GRB14: variants seen among roughly 807,000 people sequenced by gnomAD.
The protein encoded by GRB14 is growth factor receptor-bound protein 14.
Under a neutral mutation model 69.1 loss-of-function variants are expected in GRB14, and 38 were observed. That is an observed-to-expected ratio of 0.55 (90% CI 0.42 to 0.72). The LOEUF is 0.72. GRB14 is among the 30% of genes least tolerant of loss of function. The probability of loss-of-function intolerance (pLI) is 0.00; values close to 1 mark genes in which losing one functional copy is unlikely to be tolerated. For missense variants in GRB14, 666 were observed against 666.1 expected, an observed-to-expected ratio of 1.00 and a Z score of 0.00; for synonymous variants, 247 against 241.3, an observed-to-expected ratio of 1.02 and a Z score of -0.22.
At chr2:164,585,512 T>C (rs531421369) in intron 2 of GRB14, among the ~76,000 whole-genome samples, 95 of 152,296 alleles carry the variant, frequency 6.2e-4, no homozygotes, top group Non-Finnish European at 2.9e-5. Context: ...CATTAGCAAG[T>C]GTTTATCACT....
chr2:164,494,993 C>T (rs1055858624), intron 12 of GRB14, among the ~76,000 whole-genome samples: 1 of 151,956 alleles, frequency 6.6e-6, no homozygotes, highest in Non-Finnish European at 1.5e-5. Flanking sequence ...GCTCTGTCAC[C>T]CAGGCTGGAG....
intron 6 of GRB14, among the ~76,000 whole-genome samples, chr2:164,515,767 G>A (rs2105275467): frequency 6.9e-6 from 1 of 144,206 alleles, no homozygotes; most frequent in East Asian, 2.0e-4. Context: ...AGCTCATCAT[G>A]AAGGCACCAG....
chr2:164,566,904 G>A (rs1688988969), intron 2 of GRB14, among the ~76,000 whole-genome samples: 1 of 151,990 alleles, frequency 6.6e-6, no homozygotes, highest in South Asian at 2.1e-4. Context: ...AAAGTCACAG[G>A]GCTAGTAAAT....
chr2:164,595,090 G>T (rs556856033), intron 2 of GRB14, among the ~76,000 whole-genome samples: 91 of 152,280 alleles, frequency 6.0e-4, no homozygotes, highest in African/African-American at 2.0e-3. Context: ...AAGAAAACAT[G>T]TGTTTATTAG....
intron 2 of GRB14, among the ~76,000 whole-genome samples, chr2:164,550,630 A>G (rs901035090): frequency 2.0e-5 from 3 of 152,148 alleles, no homozygotes; most frequent in African/African-American, 4.8e-5. Context: ...TAAGCAAACT[A>G]CTTTAAACAT....
chr2:164,524,232 G>A (rs559079307), intron 5 of GRB14, among the ~76,000 whole-genome samples: 3 of 152,096 alleles, frequency 2.0e-5, no homozygotes, highest in Non-Finnish European at 4.4e-5. Context: ...GGGATGCATG[G>A]GGCTGAGCTC....
intron 3 of GRB14, among the ~76,000 whole-genome samples, chr2:164,530,740 A>T (rs935953764): frequency 6.6e-6 from 1 of 152,124 alleles, no homozygotes; most frequent in African/African-American, 2.4e-5. Flanking sequence ...CCAGGAGAAG[A>T]AGTTAAGGAA....
At position 164,508,810 on chromosome 2, in the gene GRB14, C is replaced by T; in HGVS notation, c.859G>A (p.Asp287Asn). The T allele has an allele frequency of 6.3e-7, 1 of 1,585,460 alleles. No individual in the cohort carries two copies. Among genetic ancestry groups the T allele is most frequent in the Middle Eastern group, 1.7e-4 (1 of 5,908 alleles). ...LQFFSEFGNSDIYVSLAGKKK... is the reference protein window; with the variant it reads ...LQFFSEFGNSNIYVSLAGKKK... ...TTGCCTGCCAGTGACACATAAATAT[C>T]ACTATTGCCAAATTCGCTGAAAAAC... The change falls in exon 7 of 14, where the codon GAT becomes AAT. Residue 287 changes from aspartate (D) to asparagine (N), a missense_variant. Coordinates refer to ENST00000263915, the MANE Select transcript of GRB14 (RefSeq NM_004490.3).
intron 2 of GRB14, among the ~76,000 whole-genome samples, chr2:164,617,812 G>A (rs757418549): frequency 2.0e-5 from 3 of 152,052 alleles, no homozygotes; most frequent in African/African-American, 7.2e-5. Context: ...CTTAGCTAGG[G>A]TCCTTACTGC....
chr2:164,567,441 C>T (rs996028470), intron 2 of GRB14, among the ~76,000 whole-genome samples: 9 of 152,152 alleles, frequency 5.9e-5, no homozygotes, highest in African/African-American at 2.2e-4. Flanking sequence ...TGATAGTTAA[C>T]AGTTAACTAT....
In GRB14 at chr2:164,507,663, G is replaced by A. The variant is rs565780623; in HGVS notation, c.1023+792C>T. ...CAGCAATACTAACTAATGTGGACGG[G>A]CACTTTCCCTGGATTGTATCTTTTC... On this transcript the variant is annotated intron_variant, in intron 8 of 13. Transcript: ENST00000263915. Among the ~76,000 whole-genome samples the A allele has an allele frequency of 2.1e-3, 326 of 152,236 alleles. 1 individual carries two copies. The highest frequency in any genetic ancestry group is 0.01 in the Middle Eastern group (3 of 294).
chr2:164,503,440 G>A (rs1574247262), intron 8 of GRB14, among the ~76,000 whole-genome samples: 1 of 86,260 alleles, frequency 1.2e-5, no homozygotes, highest in Non-Finnish European at 2.0e-5. Context: ...TTGGTAATTA[G>A]GCAAAAAAAA....
Position 164,508,568 on chromosome 2 carries a change from ATTGT to A in GRB14, c.928-22_928-19del. On this transcript the variant is annotated intron_variant, in intron 7 of 13. Transcript: ENST00000263915. ...TTGTTAGGCTAGAAGGCCACAGCAC[ATTGT>A]TTATCGTTAATGCATATCTTGAAGG... 1 of 1,607,824 alleles carries A rather than the reference ATTGT, an allele frequency of 6.2e-7. No homozygotes were observed. The highest frequency in any genetic ancestry group is 8.5e-7 in the Non-Finnish European group (1 of 1,174,494).
chr2:164,581,826 G>A (rs1396122156), intron 2 of GRB14, among the ~76,000 whole-genome samples: 1 of 151,950 alleles, frequency 6.6e-6, no homozygotes, highest in Non-Finnish European at 1.5e-5. Flanking sequence ...CCTCTCACTG[G>A]CTTTTATACA....
At chr2:164,558,302 G>A (rs747139076) in intron 2 of GRB14, among the ~76,000 whole-genome samples, 2 of 152,088 alleles carry the variant, frequency 1.3e-5, no homozygotes, top group Non-Finnish European at 2.9e-5. Context: ...AGAAATTCAA[G>A]CCCTTTCAGT....
intron 3 of GRB14, among the ~76,000 whole-genome samples, chr2:164,547,147 A>G (rs1372309116): frequency 1.3e-5 from 2 of 152,184 alleles, no homozygotes; most frequent in Non-Finnish European, 1.5e-5. Context: ...CAGTGCCAAG[A>G]TACAGACACA....
intron 4 of GRB14, among the ~76,000 whole-genome samples, 171 bp from the exon 5 acceptor site, chr2:164,525,249 A>G (rs958946061): frequency 6.6e-6 from 1 of 152,102 alleles, no homozygotes; most frequent in African/African-American, 2.4e-5. Flanking sequence ...TACCTTAATG[A>G]GAATGTCTGG....
intron 4 of GRB14, among the ~76,000 whole-genome samples, chr2:164,525,362 G>A (rs1270982114): frequency 6.6e-6 from 1 of 152,016 alleles, no homozygotes; most frequent in South Asian, 2.1e-4. Flanking sequence ...CAATGTGCTT[G>A]CTCCCACATC....
At chr2:164,525,260 A>G (rs1687740078) in intron 4 of GRB14, among the ~76,000 whole-genome samples, 182 bp from the exon 5 acceptor site, 2 of 152,110 alleles carry the variant, frequency 1.3e-5, no homozygotes, top group African/African-American at 4.8e-5. Context: ...GAATGTCTGG[A>G]GTTGGGCACA....
Sources: gnomAD v4.1 joint callset for allele counts (sites outside exome capture counted in the v4.1 genomes callset) on GRCh38, gnomAD v4.1.1 for gene constraint, MANE v1.5 for transcripts, NCBI Gene and HGNC (gene_info 2026-07-23, HGNC 2026-07-21) for gene names.